The following ARAP1 variants were observed in gnomAD, a reference collection of about 807,000 sequenced individuals.
ARAP1 encodes the protein arf-GAP with Rho-GAP domain, ANK repeat and PH domain-containing protein 1.
ARAP1 carries 76 observed loss-of-function variants against 172.2 expected under a neutral mutation model. The ratio of observed to expected loss-of-function variants is 0.44; its 90% confidence interval spans 0.37 to 0.53. The LOEUF (loss-of-function observed/expected upper bound fraction) is 0.53, where lower values mean the gene tolerates loss of function less well. ARAP1 is among the 20% of genes least tolerant of loss of function. The pLI is 0.00. For synonymous variants in ARAP1, 804 were observed against 803.3 expected, an observed-to-expected ratio of 1.00 and a Z score of -0.01; for missense variants, 1,686 against 1,977.5, an observed-to-expected ratio of 0.85 and a Z score of 2.80.
rs1016419121 is a variant in ARAP1, at chr11:72,726,860, C to T, written c.269G>A (p.Arg90His). 5.1e-6 allele frequency: 8 copies of T among 1,558,116 alleles called. No individual in the cohort carries two copies. Among genetic ancestry groups the T allele is most frequent in the Admixed American group, 3.8e-5 (2 of 52,176 alleles). The change falls in exon 3 of 35, where the codon CGC (arginine) becomes CAC (histidine). Residue 90 changes from arginine (R) to histidine (H), a missense_variant. Physicochemically the swap from Arg to His is conservative, Grantham distance 29 (BLOSUM62 0). Coordinates refer to ENST00000393609, the MANE Select transcript of ARAP1 (RefSeq NM_001040118.3). The surrounding 1 kb of genome is among the most constrained non-coding windows in gnomAD (Gnocchi z 6.5). ...TGGAGTGGCAGGCACAGGTGGTGAG[C>T]GGAAGATGTGGCGCTTCATGGGCAC... is the stretch of plus-strand genomic sequence containing the variant. ...RPVPMKRHIF[R>H]SPPVPATPPE...
At chr11:72,689,847 G>A (rs944044850) in intron 30 of ARAP1, among the ~76,000 whole-genome samples, 5 of 152,114 alleles carry the variant, frequency 3.3e-5, no homozygotes, top group African/African-American at 9.7e-5. Context: ...TTAGGCAGGC[G>A]GGAGGAAATC....
In ARAP1 at chr11:72,699,034, C is replaced by T. The variant is rs931025435; in HGVS notation, c.2512G>A (p.Ala838Thr). 3.1e-6 allele frequency: 5 copies of T among 1,614,056 alleles called. No individual in the cohort carries two copies. The highest frequency in any genetic ancestry group is 3.4e-6 in the Non-Finnish European group (4 of 1,180,044). ...GCAATACACTTGACCCACTCATGAG[C>T]CTGCTCCGCACTCTCCAGCCCAAAC... ...YLFGLESAEQAHEWVKCIAKA... is the reference protein window; with the variant it reads ...YLFGLESAEQTHEWVKCIAKA... Residue 838 changes from alanine (A) to threonine (T), a missense_variant, in exon 18 of 35, where the codon GCT (alanine) becomes ACT (threonine). Coordinates refer to ENST00000393609, the MANE Select transcript of ARAP1 (RefSeq NM_001040118.3). The surrounding 1 kb of genome is among the most constrained non-coding windows in gnomAD (Gnocchi z 4.2).
In ARAP1 at chr11:72,697,408, C is replaced by A. The variant is rs1394988679; in HGVS notation, c.2868G>T (p.Met956Ile). Residue 956 changes from methionine to isoleucine, a missense_variant, in exon 21 of 35, where the codon ATG becomes ATT. By Grantham distance (10) the Met-to-Ile change is conservative. This residue lies in a region of ARAP1 where 274 missense variants were observed against 262.7 expected (regional missense o/e 1.04). Coordinates refer to ENST00000393609, the MANE Select transcript of ARAP1 (RefSeq NM_001040118.3). ...LGAIQKAAAS[M>I]GDTLSEQQLG... ...GCTGCTGCTCCGACAGCGTGTCCCC[C>A]ATGCTGGCGGCTGCTTTCTGGATGG... The A allele has an allele frequency of 6.2e-7, 1 of 1,612,240 alleles. No individual in the cohort carries two copies. The highest frequency in any genetic ancestry group is 8.5e-7 in the Non-Finnish European group (1 of 1,179,444).
At chr11:72,698,486 C>G (rs1410762559) in intron 18 of ARAP1, among the ~76,000 whole-genome samples, 2 of 152,242 alleles carry the variant, frequency 1.3e-5, no homozygotes, top group African/African-American at 4.8e-5. Flanking sequence ...CCTGGTTCAT[C>G]TGGGTCCCAG....
intron 22 of ARAP1, 48 bp from the exon 23 acceptor site, chr11:72,696,702 C>G: frequency 6.8e-7 from 1 of 1,471,272 alleles, no homozygotes; most frequent in Non-Finnish European, 9.2e-7. Flanking sequence ...TAACTATCTT[C>G]CCCCCACCCC....
chr11:72,687,636 C>T (rs370370408), intron 32 of ARAP1, 52 bp downstream of exon 32: 72 of 1,613,512 alleles, frequency 4.5e-5, no homozygotes, highest in Middle Eastern at 1.7e-4. Flanking sequence ...TGAAGGGGGA[C>T]GTGCCACCAT....
intron 15 of ARAP1, 119 bp from the exon 16 acceptor site, chr11:72,701,902 A>T (rs1856499999): frequency 2.2e-6 from 3 of 1,341,484 alleles, no homozygotes; most frequent in Non-Finnish European, 3.1e-6. Context: ...CCAGCTCCCT[A>T]ACTGGCAGCC....
rs765926790 is a variant in ARAP1, at chr11:72,693,815, G to C, written c.3695-10C>G. 6 of 1,586,202 alleles carry C rather than the reference G, an allele frequency of 3.8e-6. No homozygotes were observed. The African/African-American group carries it at 8.1e-5, about 21-fold the overall frequency. On this transcript the variant is annotated splice_polypyrimidine_tract_variant and intron_variant, in intron 27 of 34. Coordinates refer to ENST00000393609, the MANE Select transcript of ARAP1 (RefSeq NM_001040118.3). This position sits in a 1 kb window ranked among gnomAD's most constrained non-coding sequence, Gnocchi z 4.6. ...AAGTGCAGGGGGCGCTCTGGGGAGAGGTCACACCTACCGTCACTGGGACCA... is the reference window on the plus strand; with the variant it reads ...AAGTGCAGGGGGCGCTCTGGGGAGACGTCACACCTACCGTCACTGGGACCA...
rs73541179 is a variant in ARAP1, at chr11:72,710,237, A to G, written c.1416+148T>C. On this transcript the variant is annotated intron_variant, in intron 10 of 34. Transcript: ENST00000393609. This position sits in a 1 kb window ranked among gnomAD's most constrained non-coding sequence, Gnocchi z 4.3. ...TCAGAGCCTGGGGGAAGTGGTCAGA[A>G]CTTGGGGGAGCGAGGACATATCCAG... 1,994 of 1,043,202 alleles carry G rather than the reference A, an allele frequency of 1.9e-3. 17 individuals carry two copies. In the African/African-American group the frequency reaches 0.027, roughly 14 times the overall value. 64.6% of individuals were successfully genotyped at this position (1,043,202 alleles called of 1,614,324 possible). A position where few individuals can be genotyped will look rare whatever the true frequency, so the allele number is the denominator to read the frequency against.
Position 72,694,977 on chromosome 11 carries a change from C to T in ARAP1, c.3694+3G>A. ...CACCCTGCACAAGCCCAGCGTCACC[C>T]ACCTGCCTCCTCCCTCTCGTTGACC... On this transcript the variant is annotated splice_donor_region_variant and intron_variant, in intron 27 of 34. Coordinates refer to ENST00000393609, the MANE Select transcript of ARAP1 (RefSeq NM_001040118.3). 6.2e-7 allele frequency: 1 copy of T among 1,613,630 alleles called. No individual in the cohort carries two copies. The highest frequency in any genetic ancestry group is 8.5e-7 in the Non-Finnish European group (1 of 1,179,662).
Position 72,693,833 on chromosome 11 carries a change from T to G in ARAP1, c.3695-28A>C, listed in dbSNP as rs778821941. On this transcript the variant is annotated intron_variant, in intron 27 of 34. Coordinates refer to ENST00000393609, the MANE Select transcript of ARAP1 (RefSeq NM_001040118.3). The surrounding 1 kb of genome is among the most constrained non-coding windows in gnomAD (Gnocchi z 4.6). ...GGGGAGAGGTCACACCTACCGTCAC[T>G]GGGACCACATGGCCCGATACCACCA... 1.3e-6 allele frequency: 2 copies of G among 1,547,162 alleles called. No individual in the cohort carries two copies. Among genetic ancestry groups the G allele is most frequent in the African/African-American group, 1.4e-5 (1 of 73,320 alleles).
intron 19 of ARAP1, 59 bp downstream of exon 19, chr11:72,697,852 G>A: frequency 6.7e-7 from 1 of 1,496,974 alleles, no homozygotes; most frequent in Admixed American, 2.3e-5. Context: ...AGGGCTGGGG[G>A]CCTGGGAGCC....
chr11:72,724,685 G>A (rs1857634476), intron 3 of ARAP1, among the ~76,000 whole-genome samples: 1 of 152,278 alleles, frequency 6.6e-6, no homozygotes, highest in South Asian at 2.1e-4. Flanking sequence ...GCTGAAGACT[G>A]CATATGCCCA....
intron 1 of ARAP1, among the ~76,000 whole-genome samples, chr11:72,739,668 T>C (rs753615613): frequency 1.5e-4 from 23 of 152,156 alleles, no homozygotes; most frequent in Non-Finnish European, 3.2e-4. Context: ...GGCACCCAGA[T>C]GACCATGACA....
chr11:72,722,377 G>A (rs1215359009), intron 3 of ARAP1: 8 of 985,136 alleles, frequency 8.1e-6, no homozygotes, highest in Non-Finnish European at 7.2e-6. Flanking sequence ...ATCCCCCGGG[G>A]CAGACACTTC....
chr11:72,749,042 C>T (rs1303392878), intron 1 of ARAP1, among the ~76,000 whole-genome samples: 2 of 152,180 alleles, frequency 1.3e-5, no homozygotes, highest in Non-Finnish European at 2.9e-5. Context: ...GGTGCTGACT[C>T]TAACCTGCCC....
intron 11 of ARAP1, 40 bp downstream of exon 11, chr11:72,709,830 G>A (rs536157286): frequency 1.3e-6 from 2 of 1,595,602 alleles, no homozygotes; most frequent in South Asian, 1.1e-5. Context: ...ACATTAGGAA[G>A]GAGTGAGGAT....
At chr11:72,689,753 C>T (rs1176106733) in intron 30 of ARAP1, among the ~76,000 whole-genome samples, 2 of 152,226 alleles carry the variant, frequency 1.3e-5, no homozygotes, top group African/African-American at 4.8e-5. Flanking sequence ...AGCACCTAAC[C>T]TGATGATGGC....
intron 11 of ARAP1, among the ~76,000 whole-genome samples, chr11:72,707,846 G>A (rs1222298923): frequency 6.6e-6 from 1 of 152,048 alleles, no homozygotes; most frequent in Admixed American, 6.5e-5. Context: ...GAGGACAATG[G>A]AGAACCCACA....
Sources: gnomAD v4.1 joint callset for allele counts (sites outside exome capture counted in the v4.1 genomes callset) on GRCh38, gnomAD v4.1.1 for gene constraint, gnomAD v4.1.1 regional missense constraint, Gnocchi (gnomAD v3.1) non-coding constraint, MANE v1.5 for transcripts, NCBI Gene and HGNC (gene_info 2026-07-23, HGNC 2026-07-21) for gene names.